The following AFF3 variants were observed in gnomAD, a reference collection of about 807,000 sequenced individuals.
AFF3 encodes ALF transcription elongation factor 3.
AFF3 carries 32 observed loss-of-function variants against 129.7 expected under a neutral mutation model. That is an observed-to-expected ratio of 0.25 (90% CI 0.19 to 0.33). AFF3 has a LOEUF of 0.33. Among genes scored for constraint, AFF3 ranks in the 10% least tolerant of loss-of-function variants. AFF3 has a pLI of 1.00. For synonymous variants in AFF3, 644 were observed against 635.4 expected (o/e 1.01, Z -0.20); for missense variants, 1,373 against 1,592.0 (o/e 0.86, Z 2.34).
chr2:99,688,121 T>C (rs568680977), intron 11 of AFF3, among the ~76,000 whole-genome samples: 17 of 152,246 alleles, frequency 1.1e-4, no homozygotes, highest in Non-Finnish European at 2.1e-4. Context: ...GGATTACAGG[T>C]GTGAGCCACT....
chr2:99,807,848 C>T (rs10185087), intron 8 of AFF3, among the ~76,000 whole-genome samples: 78,245 of 151,852 alleles, frequency 0.52, 21,346 homozygotes, highest in South Asian at 0.7. Flanking sequence ...CCTCTTGTTA[C>T]TACAAAGCTG....
chr2:99,558,235 G>A (rs1447234873), intron 22 of AFF3, among the ~76,000 whole-genome samples: 1 of 152,218 alleles, frequency 6.6e-6, no homozygotes, highest in Non-Finnish European at 1.5e-5. Context: ...GAAGCTCTAA[G>A]TGAGCATGAG....
chr2:99,561,475 A>G (rs922675614), intron 20 of AFF3, among the ~76,000 whole-genome samples: 1 of 152,246 alleles, frequency 6.6e-6, no homozygotes, highest in African/African-American at 2.4e-5. Context: ...TCTTACTTCA[A>G]TTTAGATACC....
chr2:99,837,621 A>T, intron 7 of AFF3, 97 bp from the exon 8 acceptor site: 2 of 1,135,532 alleles, frequency 1.8e-6, no homozygotes, highest in South Asian at 2.6e-5. Flanking sequence ...CAACAAAAAA[A>T]TTCAGCGAGT....
At chr2:100,100,664 G>A (rs3870305) in intron 4 of AFF3, among the ~76,000 whole-genome samples, 2 of 152,218 alleles carry the variant, frequency 1.3e-5, no homozygotes, top group African/African-American at 2.4e-5. Context: ...TACAACCTAC[G>A]CCTTACTCAT....
intron 2 of AFF3, 56 bp downstream of exon 2, chr2:100,129,168 C>T (rs1213602392): frequency 1.3e-5 from 2 of 152,096 alleles, no homozygotes; most frequent in African/African-American, 4.8e-5. Flanking sequence ...ATGACTTTTC[C>T]CCTCGAATCA....
At chr2:99,725,783 T>C (rs1679318991) in intron 11 of AFF3, among the ~76,000 whole-genome samples, 2 of 152,054 alleles carry the variant, frequency 1.3e-5, no homozygotes, top group Non-Finnish European at 2.9e-5. Context: ...TGTATATTCT[T>C]TGTCAGTCTT....
Position 99,744,017 on chromosome 2 carries a change from C to T in AFF3, c.1039+87G>A, listed in dbSNP as rs1279118410. 1.1e-5 allele frequency: 13 copies of T among 1,207,228 alleles called. No individual in the cohort carries two copies. In the East Asian group the frequency reaches 2.0e-4, roughly 18 times the overall value. 74.8% of individuals were successfully genotyped at this position (1,207,228 alleles called of 1,614,324 possible). ...GTGAATTTCTTTGAAACCTACTGTC[C>T]AATGTGTGCTCATCCTCCCTCCCCT... is the stretch of plus-strand genomic sequence containing the variant. On this transcript the variant is annotated intron_variant, in intron 10 of 24. Coordinates refer to ENST00000672756, the MANE Select transcript of AFF3 (RefSeq NM_001386135.1).
intron 7 of AFF3, among the ~76,000 whole-genome samples, chr2:99,989,829 T>TA (rs1680177781): frequency 1.3e-5 from 2 of 152,212 alleles, no homozygotes; most frequent in African/African-American, 4.8e-5. Context: ...AGGATGCAAA[T>TA]AAAATCAGAT....
chr2:99,681,115 C>G (rs964969724), intron 11 of AFF3, among the ~76,000 whole-genome samples: 4 of 152,046 alleles, frequency 2.6e-5, no homozygotes, highest in Non-Finnish European at 4.4e-5. Context: ...TGGGCCTCAG[C>G]CCCAGATATT....
chr2:100,133,929 T>C (rs910210163), intron 1 of AFF3, among the ~76,000 whole-genome samples: 2 of 151,950 alleles, frequency 1.3e-5, no homozygotes, highest in Non-Finnish European at 2.9e-5. Flanking sequence ...CGAGACTCTG[T>C]CTCAAAAAAA....
chr2:99,986,667 GAAC>G (rs1379320198), intron 7 of AFF3, among the ~76,000 whole-genome samples: 1 of 152,096 alleles, frequency 6.6e-6, no homozygotes, highest in African/African-American at 2.4e-5. Flanking sequence ...TTTACCTAAA[GAAC>G]AATAATTCAT....
intron 4 of AFF3, among the ~76,000 whole-genome samples, chr2:100,045,370 T>A (rs74864027): frequency 0.053 from 8,049 of 152,266 alleles, 690 homozygotes; most frequent in African/African-American, 0.18. Flanking sequence ...TGCAGACTAA[T>A]GTACTTCTTA....
intron 7 of AFF3, among the ~76,000 whole-genome samples, chr2:99,960,389 TA>T (rs1432025515): frequency 3.0e-4 from 44 of 146,288 alleles, no homozygotes; most frequent in Admixed American, 4.1e-4. Context: ...TCTTAACTGT[TA>T]AAAAAAAAAA....
chr2:99,780,631 T>C (rs1364064677), intron 8 of AFF3, among the ~76,000 whole-genome samples: 3 of 152,200 alleles, frequency 2.0e-5, no homozygotes, highest in Non-Finnish European at 4.4e-5. Context: ...AACTCAACTC[T>C]CGAGTTCCAC....
chr2:99,665,180 G>A (rs1436810696), intron 12 of AFF3, among the ~76,000 whole-genome samples: 1 of 152,248 alleles, frequency 6.6e-6, no homozygotes, highest in Non-Finnish European at 1.5e-5. Flanking sequence ...CTCCGAATTT[G>A]ATCCCGGGTG....
At chr2:99,609,050 A>G (rs1469111634) in intron 13 of AFF3, among the ~76,000 whole-genome samples, 2 of 152,192 alleles carry the variant, frequency 1.3e-5, no homozygotes, top group Non-Finnish European at 2.9e-5. Flanking sequence ...AGGGACAAAC[A>G]AGGGGTGAAC....
intron 8 of AFF3, among the ~76,000 whole-genome samples, chr2:99,800,824 G>A (rs1576021930): frequency 6.6e-6 from 1 of 152,090 alleles, no homozygotes; most frequent in East Asian, 1.9e-4. Flanking sequence ...AGCCAAACAA[G>A]AAAGTACATG....
intron 11 of AFF3, among the ~76,000 whole-genome samples, chr2:99,723,790 G>T (rs1679111800): frequency 2.0e-5 from 3 of 152,144 alleles, no homozygotes; most frequent in East Asian, 1.9e-4. Context: ...TAGTGACAGG[G>T]TCTTTACAGA....
Sources: gnomAD v4.1 joint callset for allele counts (sites outside exome capture counted in the v4.1 genomes callset) on GRCh38, gnomAD v4.1.1 for gene constraint, MANE v1.5 for transcripts, NCBI Gene and HGNC (gene_info 2026-07-23, HGNC 2026-07-21) for gene names.